PSD3: variants seen among roughly 807,000 people sequenced by gnomAD.
PSD3 encodes the protein pleckstrin and Sec7 domain containing 3.
Under a neutral mutation model 105.5 loss-of-function variants are expected in PSD3, and 49 were observed. That is an observed-to-expected ratio of 0.46 (90% CI 0.37 to 0.59). The LOEUF (loss-of-function observed/expected upper bound fraction) is 0.59. Among genes scored for constraint, PSD3 ranks in the 20% least tolerant of loss-of-function variants. PSD3 has a pLI of 0.00. For missense variants in PSD3, 1,561 were observed against 1,263.8 expected, an observed-to-expected ratio of 1.24 and a Z score of -3.57; for synonymous variants, 557 against 457.8, an observed-to-expected ratio of 1.22 and a Z score of -2.77.
intron 4 of PSD3, among the ~76,000 whole-genome samples, chr8:18,863,407 G>A (rs748035092): frequency 3.2e-4 from 49 of 152,206 alleles, no homozygotes; most frequent in Admixed American, 1.0e-3. Flanking sequence ...GCTGACCCCC[G>A]GTCAGCCTGA....
At position 18,703,303 on chromosome 8, in the gene PSD3, G is replaced by A. The variant is rs146125106; in HGVS notation, c.2173-47618C>T. Among the ~76,000 whole-genome samples the A allele has an allele frequency of 2.5e-3, 378 of 152,274 alleles. 1 individual carries two copies. Among genetic ancestry groups the A allele is most frequent in the Non-Finnish European group, 4.6e-3 (313 of 68,022 alleles). ...CAGGGACCAAGATGCAAATGAGCCT[G>A]CCACTGATGAACCAATGTCTCAGCA... is the stretch of plus-strand genomic sequence containing the variant. On this transcript the variant is annotated intron_variant, in intron 9 of 15. Transcript: ENST00000327040.
At chr8:18,859,045 A>G (rs150873659) in intron 4 of PSD3, among the ~76,000 whole-genome samples, 434 of 152,234 alleles carry the variant, frequency 2.9e-3, no homozygotes, top group African/African-American at 0.01. Context: ...ACAGCTTTAC[A>G]CAATATATTC....
intron 1 of PSD3, among the ~76,000 whole-genome samples, chr8:18,943,359 T>C (rs1822673324): frequency 6.6e-6 from 1 of 152,234 alleles, no homozygotes; most frequent in South Asian, 2.1e-4. Flanking sequence ...TATACACATT[T>C]GCATTTGCCC....
At chr8:18,624,660 C>T (rs987998623) in intron 11 of PSD3, among the ~76,000 whole-genome samples, 33 of 141,040 alleles carry the variant, frequency 2.3e-4, no homozygotes, top group African/African-American at 8.3e-4. Flanking sequence ...ACATTGTGCA[C>T]ATGTACCCTA....
intron 12 of PSD3, among the ~76,000 whole-genome samples, chr8:18,589,723 C>G (rs1380524129): frequency 6.6e-6 from 1 of 152,064 alleles, no homozygotes; most frequent in Non-Finnish European, 1.5e-5. Context: ...AGAAGCAGCC[C>G]TGAAATGAGC....
At chr8:18,558,522 T>TA (rs1205395262) in intron 14 of PSD3, among the ~76,000 whole-genome samples, 2 of 152,146 alleles carry the variant, frequency 1.3e-5, no homozygotes, top group Non-Finnish European at 2.9e-5. Flanking sequence ...TATGTAACCA[T>TA]AAAAATACAG....
chr8:18,595,078 A>G (rs1334150097), intron 12 of PSD3, among the ~76,000 whole-genome samples: 1 of 152,046 alleles, frequency 6.6e-6, no homozygotes, highest in Non-Finnish European at 1.5e-5. Flanking sequence ...CTATAAATAT[A>G]CATTAGTGGG....
chr8:18,547,247 T>C (rs1444903469), intron 15 of PSD3, among the ~76,000 whole-genome samples: 1 of 152,098 alleles, frequency 6.6e-6, no homozygotes, highest in African/African-American at 2.4e-5. Flanking sequence ...TGGTGCCATA[T>C]CATGGTAGCT....
At chr8:18,638,005 T>C (rs912720559) in intron 10 of PSD3, among the ~76,000 whole-genome samples, 1 of 151,510 alleles carries the variant, frequency 6.6e-6, no homozygotes, top group Non-Finnish European at 1.5e-5. Context: ...AAAATACAAA[T>C]ATTAGCCCAC....
At chr8:18,626,802 A>G (rs1563394725) in intron 11 of PSD3, among the ~76,000 whole-genome samples, 2 of 152,084 alleles carry the variant, frequency 1.3e-5, no homozygotes, top group Non-Finnish European at 2.9e-5. Context: ...CCAACAAATG[A>G]GGTTGGTGGG....
At chr8:18,829,908 A>G (rs1813542394) in intron 4 of PSD3, among the ~76,000 whole-genome samples, 1 of 152,194 alleles carries the variant, frequency 6.6e-6, no homozygotes, top group African/African-American at 2.4e-5. Context: ...AAAAATAATA[A>G]TCACAACCAT....
intron 10 of PSD3, among the ~76,000 whole-genome samples, chr8:18,649,600 C>T (rs531432450): frequency 6.6e-6 from 1 of 152,232 alleles, no homozygotes; most frequent in African/African-American, 2.4e-5. Flanking sequence ...GTTGGGAAGG[C>T]ATGACTGTAT....
intron 10 of PSD3, among the ~76,000 whole-genome samples, chr8:18,633,508 G>C (rs190437990): frequency 1.3e-5 from 2 of 152,200 alleles, no homozygotes; most frequent in Admixed American, 1.3e-4. Flanking sequence ...AAAATGTGTA[G>C]TATTTGGTTT....
chr8:18,795,388 G>C (rs774513446), intron 8 of PSD3, among the ~76,000 whole-genome samples: 6 of 152,182 alleles, frequency 3.9e-5, no homozygotes, highest in Non-Finnish European at 8.8e-5. Context: ...TGGTGGGCTG[G>C]CTTCTGCCAA....
chr8:18,722,545 ATTCT>A (rs1057189286), intron 9 of PSD3, among the ~76,000 whole-genome samples: 5 of 152,350 alleles, frequency 3.3e-5, no homozygotes, highest in African/African-American at 1.2e-4. Context: ...GAAAACATTA[ATTCT>A]TTCTCTCCAT....
intron 4 of PSD3, among the ~76,000 whole-genome samples, chr8:18,824,756 C>A (rs1258203165): frequency 6.6e-6 from 1 of 152,126 alleles, no homozygotes; most frequent in Non-Finnish European, 1.5e-5. Context: ...TTTGTCAACA[C>A]CTGACTGCGA....
chr8:18,759,092 A>ACACACACACACACACACACACACTCT (rs756248977), intron 9 of PSD3, among the ~76,000 whole-genome samples: 4 of 143,864 alleles, frequency 2.8e-5, no homozygotes, highest in Admixed American at 2.1e-4. Flanking sequence ...ACACACACAC[A>ACACACACACACACACACACACACTCT]CTCTCTCTCT....
chr8:18,736,501 C>T (rs1277117869), intron 9 of PSD3, among the ~76,000 whole-genome samples: 2 of 152,094 alleles, frequency 1.3e-5, no homozygotes, highest in African/African-American at 4.8e-5. Flanking sequence ...AAACTGTTTA[C>T]TAAAACTAGA....
At chr8:19,014,665 A>G (rs942288389), upstream of PSD3, among the ~76,000 whole-genome samples, 1 of 152,158 alleles carries the variant, frequency 6.6e-6, no homozygotes, top group Non-Finnish European at 1.5e-5. This position sits in a 1 kb window ranked among gnomAD's most constrained non-coding sequence, Gnocchi z 4.9. Flanking sequence ...GTCTTTTTCA[A>G]GTGACAGGTA....
Sources: gnomAD v4.1 joint callset for allele counts (sites outside exome capture counted in the v4.1 genomes callset) on GRCh38, gnomAD v4.1.1 for gene constraint, Gnocchi (gnomAD v3.1) non-coding constraint, MANE v1.5 for transcripts, NCBI Gene and HGNC (gene_info 2026-07-23, HGNC 2026-07-21) for gene names.